Variants in SDK1 observed in about 807,000 individuals in gnomAD.
SDK1 encodes protein sidekick-1.
Under a neutral mutation model 245.5 loss-of-function variants are expected in SDK1, and 157 were observed. The observed-to-expected ratio is 0.64, with a 90% CI of 0.56 to 0.73. SDK1 has a LOEUF of 0.73. Among genes scored for constraint, SDK1 ranks in the 30% least tolerant of loss-of-function variants. SDK1 has a pLI of 0.00. For missense variants in SDK1, 3,583 were observed against 3,002.3 expected, an observed-to-expected ratio of 1.19 and a Z score of -4.52; for synonymous variants, 1,647 against 1,278.5, an observed-to-expected ratio of 1.29 and a Z score of -6.15.
Position 3,759,050 on chromosome 7 carries a change from A to T in SDK1, c.714-62400A>T, listed in dbSNP as rs558825001. ...TTATCCACAGTTTATTTAGGTGTTCAATGGTAGCATTTGTGTAAACTACCC... is the reference window on the plus strand; with the variant it reads ...TTATCCACAGTTTATTTAGGTGTTCTATGGTAGCATTTGTGTAAACTACCC... On this transcript the variant is annotated intron_variant, in intron 4 of 44. Coordinates refer to ENST00000404826, the MANE Select transcript of SDK1 (RefSeq NM_152744.4). Among the ~76,000 whole-genome samples, 426 of 152,322 alleles carry T rather than the reference A, an allele frequency of 2.8e-3. 3 individuals carry two copies. The highest frequency in any genetic ancestry group is 8.3e-3 in the Admixed American group (127 of 15,312).
intron 9 of SDK1, among the ~76,000 whole-genome samples, chr7:3,966,833 G>T (rs1782121354): frequency 6.6e-6 from 1 of 151,998 alleles, no homozygotes; most frequent in South Asian, 2.1e-4. Context: ...CTATAGGCCT[G>T]CACCACCATG....
chr7:3,814,721 G>A (rs1779465659), intron 4 of SDK1, among the ~76,000 whole-genome samples: 5 of 151,460 alleles, frequency 3.3e-5, no homozygotes, highest in Admixed American at 6.6e-5. Context: ...CCATTTTCAC[G>A]ATATTGATTC....
At chr7:4,186,564 C>CT (rs1161750064) in intron 35 of SDK1, among the ~76,000 whole-genome samples, 1 of 152,206 alleles carries the variant, frequency 6.6e-6, no homozygotes, top group African/African-American at 2.4e-5. Flanking sequence ...CTGCTGAGCC[C>CT]TGCCACTGAT....
intron 4 of SDK1, among the ~76,000 whole-genome samples, chr7:3,658,545 A>G (rs77033735): frequency 1.0e-3 from 155 of 151,848 alleles, no homozygotes; most frequent in African/African-American, 3.7e-3. Flanking sequence ...ACATTTTCAC[A>G]AAAGCACCTA....
At chr7:3,992,126 G>T (rs541200614) in intron 14 of SDK1, among the ~76,000 whole-genome samples, 1 of 152,336 alleles carries the variant, frequency 6.6e-6, no homozygotes, top group Non-Finnish European at 1.5e-5. Context: ...GGAAGCCGGG[G>T]ATCCTGCAGG....
chr7:3,370,171 G>C (rs952430373), intron 1 of SDK1, among the ~76,000 whole-genome samples: 1 of 152,178 alleles, frequency 6.6e-6, no homozygotes, highest in African/African-American at 2.4e-5. Context: ...CAGAGTGGTT[G>C]TTAATGCCTC....
chr7:4,114,427 C>G (rs959426322), intron 25 of SDK1, among the ~76,000 whole-genome samples, 153 bp downstream of exon 25: 3 of 152,098 alleles, frequency 2.0e-5, no homozygotes. Context: ...TGGCCAGACT[C>G]GGCAGGAATT....
chr7:3,460,102 T>C (rs185515081), intron 1 of SDK1, among the ~76,000 whole-genome samples: 1 of 152,354 alleles, frequency 6.6e-6, no homozygotes, highest in Admixed American at 6.5e-5. Context: ...TAAATGACAT[T>C]ATTATTTTCA....
chr7:4,020,490 A>G (rs1258851476), intron 17 of SDK1, among the ~76,000 whole-genome samples: 1 of 152,212 alleles, frequency 6.6e-6, no homozygotes, highest in Non-Finnish European at 1.5e-5. Flanking sequence ...CCACCAGTCT[A>G]GAAAGAGCTG....
chr7:3,661,671 G>A (rs1013213051), intron 4 of SDK1, among the ~76,000 whole-genome samples: 5 of 152,096 alleles, frequency 3.3e-5, no homozygotes, highest in Non-Finnish European at 7.4e-5. Context: ...TTATTTTGCT[G>A]TTTTTAACAT....
At chr7:3,589,538 A>G (rs1780795033) in intron 1 of SDK1, among the ~76,000 whole-genome samples, 2 of 152,208 alleles carry the variant, frequency 1.3e-5, no homozygotes, top group African/African-American at 4.8e-5. Flanking sequence ...AGACTGGGTA[A>G]TTTATAAAGA....
chr7:4,050,673 C>CT (rs891257519), intron 18 of SDK1, among the ~76,000 whole-genome samples: 29 of 152,084 alleles, frequency 1.9e-4, no homozygotes, highest in Admixed American at 5.9e-4. Context: ...TCCTAAAATC[C>CT]TTTTTGCGAA....
At chr7:3,545,141 C>G (rs977715703) in intron 1 of SDK1, among the ~76,000 whole-genome samples, 1 of 152,086 alleles carries the variant, frequency 6.6e-6, no homozygotes, top group Non-Finnish European at 1.5e-5. Context: ...CCAAAGCCAA[C>G]TTTAGGAGAG....
intron 12 of SDK1, among the ~76,000 whole-genome samples, chr7:3,972,055 AG>A (rs1221168376): frequency 6.8e-6 from 1 of 147,666 alleles, no homozygotes; most frequent in African/African-American, 2.5e-5. Flanking sequence ...GCATGCCAAG[AG>A]GGAGGCCAGA....
chr7:3,884,225 C>T (rs1173399312), intron 5 of SDK1, among the ~76,000 whole-genome samples: 8 of 151,816 alleles, frequency 5.3e-5, no homozygotes, highest in African/African-American at 1.9e-4. Context: ...GGATTACAGG[C>T]GTGAGCCACT....
intron 1 of SDK1, among the ~76,000 whole-genome samples, chr7:3,484,069 A>T (rs1027295155): frequency 2.0e-5 from 3 of 152,226 alleles, no homozygotes; most frequent in African/African-American, 7.2e-5. Context: ...GGATACTCCA[A>T]ATATTCTCTT....
intron 35 of SDK1, among the ~76,000 whole-genome samples, chr7:4,185,368 C>T (rs1340652122): frequency 6.6e-6 from 1 of 152,184 alleles, no homozygotes; most frequent in East Asian, 1.9e-4. Context: ...GCCTTCAAGA[C>T]ACTCACTATT....
Position 4,267,487 on chromosome 7 carries a change from C to T in SDK1, c.*2103C>T, listed in dbSNP as rs1788539488. On this transcript the variant is annotated 3_prime_UTR_variant, in exon 45 of 45. Coordinates refer to ENST00000404826, the MANE Select transcript of SDK1 (RefSeq NM_152744.4). ...TCACCACAGTGGACAGTGCCACCTC[C>T]TTCCCCTCGGCCCCGGAGAGGGCGA... is the stretch of plus-strand genomic sequence containing the variant. The T allele has an allele frequency of 1.0e-6, 1 of 985,330 alleles. No homozygotes were observed. Among genetic ancestry groups the T allele is most frequent in the African/African-American group, 1.7e-5 (1 of 57,246 alleles). The allele number at this position is 985,330 out of a possible 1,614,324, so 61.0% of individuals were successfully genotyped here.
chr7:3,706,331 A>C (rs547675523), intron 4 of SDK1, among the ~76,000 whole-genome samples: 2 of 152,210 alleles, frequency 1.3e-5, no homozygotes, highest in Non-Finnish European at 2.9e-5. Context: ...GAATAGTTTC[A>C]GTAGGATTGG....
Sources: gnomAD v4.1 joint callset for allele counts (sites outside exome capture counted in the v4.1 genomes callset) on GRCh38, gnomAD v4.1.1 for gene constraint, MANE v1.5 for transcripts, NCBI Gene and HGNC (gene_info 2026-07-23, HGNC 2026-07-21) for gene names.